ZNF536: variants seen among roughly 807,000 people sequenced by gnomAD.
ZNF536 encodes zinc finger protein 536.
In ZNF536, 13 loss-of-function variants were observed where a neutral mutation model predicts 84.5. That is an observed-to-expected ratio of 0.15 (90% CI 0.10 to 0.24). The LOEUF (loss-of-function observed/expected upper bound fraction) is 0.24. Among genes scored for constraint, ZNF536 ranks in the 10% least tolerant of loss-of-function variants. ZNF536 has a pLI of 1.00. For missense variants in ZNF536, 1,536 were observed against 1,747.5 expected (o/e 0.88, Z 2.16); for synonymous variants, 811 against 742.5 (o/e 1.09, Z -1.50).
At chr19:30,607,877 T>C (rs2047955486) in intron 1 of ZNF536, among the ~76,000 whole-genome samples, 1 of 152,192 alleles carries the variant, frequency 6.6e-6, no homozygotes, top group Non-Finnish European at 1.5e-5. Flanking sequence ...TTGCTTTTTT[T>C]CACTTAAACA....
At chr19:30,267,851 A>G (rs2025594584) in intron 1 of ZNF536, among the ~76,000 whole-genome samples, 1 of 151,944 alleles carries the variant, frequency 6.6e-6, no homozygotes. Flanking sequence ...TCAGCCTATC[A>G]GCAATTGAGT....
chr19:30,319,378 G>A (rs1858554434), intron 2 of ZNF536, among the ~76,000 whole-genome samples: 1 of 150,558 alleles, frequency 6.6e-6, no homozygotes, highest in African/African-American at 2.4e-5. Context: ...TTTTTTTTGC[G>A]AAATAGTTCT....
At chr19:30,655,202 G>A (rs1004442532) in intron 1 of ZNF536, among the ~76,000 whole-genome samples, 3 of 152,220 alleles carry the variant, frequency 2.0e-5, no homozygotes, top group Non-Finnish European at 4.4e-5. Context: ...ACAAGACAGA[G>A]TAAAATCAGC....
chr19:30,451,554 G>A (rs891483939), intron 2 of ZNF536, among the ~76,000 whole-genome samples: 4 of 152,234 alleles, frequency 2.6e-5, no homozygotes, highest in South Asian at 2.1e-4. Flanking sequence ...TACTTGCACA[G>A]GCTCTGAAAG....
intron 2 of ZNF536, among the ~76,000 whole-genome samples, chr19:30,469,207 G>A (rs2053534626): frequency 6.6e-6 from 1 of 152,194 alleles, no homozygotes. Context: ...GAGGTCAGGA[G>A]GTCGAGACCA....
At chr19:30,283,766 C>T (rs201842387) in intron 1 of ZNF536, among the ~76,000 whole-genome samples, 2 of 151,378 alleles carry the variant, frequency 1.3e-5, no homozygotes, top group East Asian at 3.9e-4. Context: ...AGAGAGAGCC[C>T]TTATAATATT....
At chr19:30,373,881 C>A (rs528187202) in intron 1 of ZNF536, among the ~76,000 whole-genome samples, 1 of 152,308 alleles carries the variant, frequency 6.6e-6, no homozygotes, top group East Asian at 1.9e-4. Flanking sequence ...GGAGCCGGGG[C>A]CAAGGTGGGC....
At chr19:30,678,214 C>T (rs1180478306) in intron 1 of ZNF536, among the ~76,000 whole-genome samples, 1 of 152,214 alleles carries the variant, frequency 6.6e-6, no homozygotes, top group African/African-American at 2.4e-5. Flanking sequence ...CAGCTTTCCT[C>T]TTCAAAAGGC....
chr19:30,341,291 TG>T (rs1830987913), intron 2 of ZNF536, among the ~76,000 whole-genome samples: 1 of 152,242 alleles, frequency 6.6e-6, no homozygotes, highest in South Asian at 2.1e-4. Context: ...TTGTTGAGAT[TG>T]CAGTGATGTT....
At chr19:30,460,137 A>G (rs540262741) in intron 2 of ZNF536, among the ~76,000 whole-genome samples, 1 of 152,276 alleles carries the variant, frequency 6.6e-6, no homozygotes, top group South Asian at 2.1e-4. Flanking sequence ...CTTGCATCCT[A>G]CTAGGTGTTT....
At chr19:30,626,777 T>C (rs2048695714) in intron 1 of ZNF536, among the ~76,000 whole-genome samples, 1 of 152,350 alleles carries the variant, frequency 6.6e-6, no homozygotes, top group South Asian at 2.1e-4. Context: ...GCTGGGCGGA[T>C]GTGCGGTGAT....
intron 1 of ZNF536, among the ~76,000 whole-genome samples, chr19:30,666,846 ATATG>A (rs961901774): frequency 6.0e-5 from 9 of 150,776 alleles, no homozygotes; most frequent in Admixed American, 1.3e-4. Context: ...ATATATATAT[ATATG>A]TATGTATGTA....
At chr19:30,526,723 C>CAAAAAA (rs766704469) in intron 2 of ZNF536, among the ~76,000 whole-genome samples, 16 of 46,856 alleles carry the variant, frequency 3.4e-4, no homozygotes, top group African/African-American at 9.3e-4. Flanking sequence ...GACTCCGTCT[C>CAAAAAA]AAAAAAAAAA....
chr19:30,299,884 A>G (rs2046122680), intron 2 of ZNF536, among the ~76,000 whole-genome samples: 1 of 152,192 alleles, frequency 6.6e-6, no homozygotes, highest in African/African-American at 2.4e-5. Flanking sequence ...CTGCTTTTTT[A>G]TATCAAAAAA....
intron 1 of ZNF536, among the ~76,000 whole-genome samples, chr19:30,676,673 C>G (rs1297136909): frequency 6.6e-6 from 1 of 152,124 alleles, no homozygotes; most frequent in East Asian, 1.9e-4. Context: ...AATTTAGAAA[C>G]AGTACAAATA....
At chr19:30,520,981 G>T (rs1389766438) in intron 2 of ZNF536, among the ~76,000 whole-genome samples, 2 of 152,212 alleles carry the variant, frequency 1.3e-5, no homozygotes, top group Non-Finnish European at 2.9e-5. Flanking sequence ...ACTCTGCCAC[G>T]CAGGGTTTAA....
At chr19:30,375,522 G>A (rs1437866010) in intron 1 of ZNF536, among the ~76,000 whole-genome samples, 1 of 152,180 alleles carries the variant, frequency 6.6e-6, no homozygotes, top group Non-Finnish European at 1.5e-5. Context: ...TTGCGCCTCT[G>A]CTGGGGAGCT....
At chr19:30,683,738 A>C (rs931589521) in intron 1 of ZNF536, among the ~76,000 whole-genome samples, 2 of 152,142 alleles carry the variant, frequency 1.3e-5, no homozygotes, top group African/African-American at 4.8e-5. Flanking sequence ...CATAATAACA[A>C]CACATTGGAT....
chr19:30,705,529 T>C (rs2052189261), intron 1 of ZNF536, among the ~76,000 whole-genome samples: 1 of 152,224 alleles, frequency 6.6e-6, no homozygotes, highest in Admixed American at 6.5e-5. Context: ...CCAAACCTTC[T>C]AGATTCACTG....
Sources: gnomAD v4.1 joint callset for allele counts (sites outside exome capture counted in the v4.1 genomes callset) on GRCh38, gnomAD v4.1.1 for gene constraint, MANE v1.5 for transcripts, NCBI Gene and HGNC (gene_info 2026-07-23, HGNC 2026-07-21) for gene names.